FGF12: variants seen among roughly 807,000 people sequenced by gnomAD.
FGF12 encodes the protein fibroblast growth factor 12, also known as fibroblast growth factor 12B.
FGF12 carries 14 observed loss-of-function variants against 23.6 expected under a neutral mutation model. The ratio of observed to expected loss-of-function variants is 0.59; its 90% confidence interval spans 0.39 to 0.93. The LOEUF is 0.93. Among genes scored for constraint, FGF12 ranks in the 40% least tolerant of loss-of-function variants. The pLI is 0.00. For synonymous variants in FGF12, 62 were observed against 77.3 expected, an observed-to-expected ratio of 0.80 and a Z score of 1.04; for missense variants, 175 against 217.8, an observed-to-expected ratio of 0.80 and a Z score of 1.24.
chr3:192,393,114 G>T (rs1309014368), intron 2 of FGF12, among the ~76,000 whole-genome samples: 1 of 152,244 alleles, frequency 6.6e-6, no homozygotes, highest in Admixed American at 6.5e-5. Flanking sequence ...GTAATAATTT[G>T]CATTCACCTT....
chr3:192,178,630 C>A (rs1029914848), intron 4 of FGF12, among the ~76,000 whole-genome samples: 1 of 152,134 alleles, frequency 6.6e-6, no homozygotes, highest in Admixed American at 6.5e-5. Context: ...TCCTGAGTAG[C>A]TGAGATTACA....
chr3:192,318,068 C>T (rs1716324879), intron 4 of FGF12, among the ~76,000 whole-genome samples: 1 of 152,124 alleles, frequency 6.6e-6, no homozygotes, highest in Non-Finnish European at 1.5e-5. Flanking sequence ...GCTGCAATAG[C>T]CAAAAACTTA....
intron 2 of FGF12, among the ~76,000 whole-genome samples, chr3:192,560,838 A>T (rs983564642): frequency 6.6e-6 from 1 of 152,228 alleles, no homozygotes; most frequent in African/African-American, 2.4e-5. Context: ...TATTACTGAA[A>T]AAAAGGCAAA....
Position 192,409,706 on chromosome 3 carries a change from G to A in FGF12, c.14-49168C>T, listed in dbSNP as rs1241718423. Among the ~76,000 whole-genome samples the A allele has an allele frequency of 6.6e-6, 1 of 152,188 alleles. No homozygotes were observed. Among genetic ancestry groups the A allele is most frequent in the Non-Finnish European group, 1.5e-5 (1 of 68,010 alleles). The stretch of plus-strand genomic sequence containing the variant: ...GCTCCTGGCCGGAGCTGCCCACCAT[G>A]GTCTGGCGCCAGGGGCGCAGGCGGG... On this transcript the variant is annotated intron_variant, in intron 2 of 5. Transcript: ENST00000445105. This position sits in a 1 kb window ranked among gnomAD's most constrained non-coding sequence, Gnocchi z 4.8.
intron 2 of FGF12, among the ~76,000 whole-genome samples, chr3:192,401,161 A>G (rs1446046899): frequency 1.3e-5 from 2 of 152,256 alleles, no homozygotes; most frequent in Non-Finnish European, 2.9e-5. Flanking sequence ...ACAAACAAAA[A>G]GGAATTAATG....
chr3:192,195,632 A>G (rs146425713), intron 4 of FGF12, among the ~76,000 whole-genome samples: 1 of 152,336 alleles, frequency 6.6e-6, no homozygotes, highest in Non-Finnish European at 1.5e-5. Flanking sequence ...TGAACTTGCA[A>G]TAATGACAAA....
intron 2 of FGF12, among the ~76,000 whole-genome samples, chr3:192,464,064 G>C (rs1007308488): frequency 1.3e-5 from 2 of 152,076 alleles, no homozygotes; most frequent in Non-Finnish European, 2.9e-5. Flanking sequence ...ACAATGCCTG[G>C]GTCCACCCTT....
At chr3:192,290,968 CAA>C (rs1221314563) in intron 4 of FGF12, among the ~76,000 whole-genome samples, 1 of 152,092 alleles carries the variant, frequency 6.6e-6, no homozygotes, top group African/African-American at 2.4e-5. Context: ...TCTATACATA[CAA>C]GTGTGTATTT....
chr3:192,719,597 A>G (rs573640774), intron 2 of FGF12, among the ~76,000 whole-genome samples: 8 of 152,250 alleles, frequency 5.3e-5, no homozygotes, highest in African/African-American at 1.9e-4. Context: ...TTCAATTTTA[A>G]ATAGTGCTAG....
At position 192,408,041 on chromosome 3, in the gene FGF12, C is replaced by A; in HGVS notation, c.14-47503G>T. On this transcript the variant is annotated intron_variant, in intron 2 of 5. Transcript: ENST00000445105. This position sits in a 1 kb window ranked among gnomAD's most constrained non-coding sequence, Gnocchi z 7.3. ...TCTACTGACCTGGTCTCCGCCTCAC[C>A]GGCCTCTTGCGGCCGCTGCAGAAGC... 1 of 1,611,484 alleles carries A rather than the reference C, an allele frequency of 6.2e-7. No homozygotes were observed. Among genetic ancestry groups the A allele is most frequent in the South Asian group, 1.1e-5 (1 of 90,894 alleles).
At chr3:192,441,743 T>C (rs1380801315) in intron 2 of FGF12, among the ~76,000 whole-genome samples, 2 of 152,188 alleles carry the variant, frequency 1.3e-5, no homozygotes, top group Non-Finnish European at 2.9e-5. Context: ...AACAAGTGAG[T>C]CCTTAGCAAT....
chr3:192,544,490 A>G (rs1306280713), intron 2 of FGF12, among the ~76,000 whole-genome samples: 1 of 152,158 alleles, frequency 6.6e-6, no homozygotes, highest in Non-Finnish European at 1.5e-5. Context: ...TTTAATTTTT[A>G]GAAGGAGTAA....
intron 2 of FGF12, among the ~76,000 whole-genome samples, chr3:192,716,981 C>T (rs1460150336): frequency 1.3e-5 from 2 of 152,248 alleles, no homozygotes; most frequent in African/African-American, 2.4e-5. Flanking sequence ...GGGGTGGAAG[C>T]CAACTTAAGG....
intron 4 of FGF12, among the ~76,000 whole-genome samples, chr3:192,321,084 G>A (rs1716509390): frequency 1.3e-5 from 2 of 152,084 alleles, no homozygotes; most frequent in South Asian, 4.1e-4. Flanking sequence ...CAACAAAAGA[G>A]AGAAGACCCA....
intron 4 of FGF12, among the ~76,000 whole-genome samples, chr3:192,273,785 T>C (rs1051706381): frequency 2.6e-5 from 4 of 152,174 alleles, no homozygotes; most frequent in African/African-American, 9.7e-5. Context: ...AGGATTCAAT[T>C]TGTGTTTGCA....
chr3:192,549,894 T>G lies in FGF12; in HGVS notation c.13+177287A>C, dbSNP rs533734961. Among the ~76,000 whole-genome samples the G allele has an allele frequency of 7.2e-4, 110 of 152,282 alleles. 1 individual carries two copies. Among genetic ancestry groups the G allele is most frequent in the African/African-American group, 2.4e-3 (101 of 41,554 alleles). On this transcript the variant is annotated intron_variant, in intron 2 of 5. Transcript: ENST00000445105. ...ATTCCTGGTATTCAGGCCTTCAGAC[T>G]TGGACAGAAGCTACACAACAGCTTT... is the stretch of plus-strand genomic sequence containing the variant.
chr3:192,493,900 C>T (rs918469029), intron 2 of FGF12, among the ~76,000 whole-genome samples: 3 of 151,980 alleles, frequency 2.0e-5, no homozygotes, highest in Non-Finnish European at 4.4e-5. Context: ...GATGGGGACA[C>T]AGATCCAAAC....
At chr3:192,646,828 T>C (rs959454517) in intron 2 of FGF12, among the ~76,000 whole-genome samples, 3 of 152,132 alleles carry the variant, frequency 2.0e-5, no homozygotes, top group Admixed American at 2.0e-4. Context: ...TGAAAACCAG[T>C]ACGTTGTATG....
intron 2 of FGF12, among the ~76,000 whole-genome samples, chr3:192,684,861 T>C (rs1241260289): frequency 1.3e-5 from 2 of 152,156 alleles, no homozygotes; most frequent in Non-Finnish European, 2.9e-5. Context: ...TATAATAATA[T>C]TAACCCAGGG....
Sources: allele counts gnomAD v4.1 joint callset (sites outside exome capture counted in the v4.1 genomes callset), GRCh38; gene constraint gnomAD v4.1.1; non-coding constraint Gnocchi (gnomAD v3.1); transcripts MANE v1.5; gene names NCBI Gene and HGNC (gene_info 2026-07-23, HGNC 2026-07-21).